ATP9B: variants seen among roughly 807,000 people sequenced by gnomAD.
ATP9B encodes the protein ATPase phospholipid transporting 9B.
Under a neutral mutation model 146.1 loss-of-function variants are expected in ATP9B, and 110 were observed. The ratio of observed to expected loss-of-function variants is 0.75; its 90% CI spans 0.65 to 0.88. The LOEUF (loss-of-function observed/expected upper bound fraction) is 0.88. Ranked by LOEUF, ATP9B falls within the 40% of genes least tolerant of loss-of-function variation. The pLI, the probability that ATP9B is intolerant of heterozygous loss-of-function variation, is 0.00. For missense variants in ATP9B, 1,499 were observed against 1,496.4 expected, an observed-to-expected ratio of 1.00 and a Z score of -0.03; for synonymous variants, 604 against 569.7, an observed-to-expected ratio of 1.06 and a Z score of -0.86.
chr18:79,137,531 G>A (rs1177513214), intron 5 of ATP9B, among the ~76,000 whole-genome samples: 1 of 152,138 alleles, frequency 6.6e-6, no homozygotes, highest in African/African-American at 2.4e-5. Flanking sequence ...CGTGCTCTGT[G>A]GGTCATGGGC....
At chr18:79,313,208 A>G (rs2146709167) in intron 15 of ATP9B, among the ~76,000 whole-genome samples, 1 of 152,342 alleles carries the variant, frequency 6.6e-6, no homozygotes, top group East Asian at 1.9e-4. Context: ...TTTATTTAGT[A>G]AAAGAGAATC....
chr18:79,098,284 A>G (rs1477331499), intron 2 of ATP9B, among the ~76,000 whole-genome samples: 4 of 151,288 alleles, frequency 2.6e-5, no homozygotes, highest in African/African-American at 9.7e-5. Flanking sequence ...AAACCCTAGA[A>G]GAAAACCTAG....
intron 1 of ATP9B, among the ~76,000 whole-genome samples, chr18:79,084,673 C>T (rs1028165750): frequency 3.9e-5 from 6 of 152,172 alleles, no homozygotes; most frequent in Non-Finnish European, 2.9e-5. Context: ...AGCTTTACAT[C>T]GCTTTGTGAG....
At chr18:79,228,431 A>G (rs893133131) in intron 11 of ATP9B, among the ~76,000 whole-genome samples, 2 of 152,226 alleles carry the variant, frequency 1.3e-5, no homozygotes, top group African/African-American at 4.8e-5. Flanking sequence ...AAACCACTGA[A>G]GGGTGCATTG....
At chr18:79,217,807 G>A (rs2095641742) in intron 11 of ATP9B, among the ~76,000 whole-genome samples, 1 of 152,122 alleles carries the variant, frequency 6.6e-6, no homozygotes, top group South Asian at 2.1e-4. Flanking sequence ...ACAAACTTTT[G>A]GGCTTCAAAG....
At chr18:79,173,792 A>G (rs2095117111) in intron 7 of ATP9B, 1 of 455,326 alleles carries the variant, frequency 2.2e-6, no homozygotes, top group Middle Eastern at 3.3e-4. Context: ...TTTCCCCCAC[A>G]TTGTTTTAGC....
chr18:79,173,551 A>G (rs1429946566), intron 7 of ATP9B: 3 of 378,218 alleles, frequency 7.9e-6, no homozygotes, highest in Non-Finnish European at 1.5e-5. Context: ...GTATGTCCAA[A>G]TGCTCTAGCG....
chr18:79,291,199 T>G (rs1317040339), intron 13 of ATP9B, among the ~76,000 whole-genome samples: 1 of 152,204 alleles, frequency 6.6e-6, no homozygotes, highest in Non-Finnish European at 1.5e-5. Context: ...AGAAACCTTT[T>G]GTCAAAAGAC....
chr18:79,167,564 C>T lies in ATP9B; in HGVS notation c.779-9249C>T, dbSNP rs114326158. On this transcript the variant is annotated intron_variant, in intron 7 of 29. Transcript: ENST00000426216. ...GTGCAGCCCTCAGAGTAGAGGGGAC[C>T]CGGAGTGGGTAGCTCCTTCCCACAG... Among the ~76,000 whole-genome samples the T allele has an allele frequency of 8.8e-3, 1,339 of 152,066 alleles. 25 individuals carry two copies. Among genetic ancestry groups the T allele is most frequent in the African/African-American group, 0.03 (1,261 of 41,464 alleles).
intron 9 of ATP9B, among the ~76,000 whole-genome samples, chr18:79,203,615 T>C (rs956454542): frequency 7.9e-5 from 12 of 151,660 alleles, no homozygotes; most frequent in African/African-American, 2.9e-4. Context: ...CCATAAAATA[T>C]GGGATTAGAA....
intron 26 of ATP9B, 57 bp from the exon 27 acceptor site, chr18:79,372,768 G>A: frequency 8.7e-7 from 1 of 1,152,958 alleles, no homozygotes; most frequent in Non-Finnish European, 1.3e-6. Flanking sequence ...CTCCTGGAAG[G>A]CGTGAGTCAA....
At chr18:79,277,774 A>C (rs1280589743) in intron 13 of ATP9B, among the ~76,000 whole-genome samples, 2 of 152,198 alleles carry the variant, frequency 1.3e-5, no homozygotes. Context: ...CTGGTACTAT[A>C]AGGAAAGCCA....
chr18:79,122,122 T>C (rs2094199838), intron 4 of ATP9B, among the ~76,000 whole-genome samples: 1 of 152,180 alleles, frequency 6.6e-6, no homozygotes, highest in Admixed American at 6.5e-5. Flanking sequence ...CAAATTTATG[T>C]TACAAAAAAT....
chr18:79,310,710 CT>C (rs1219721459), intron 15 of ATP9B, among the ~76,000 whole-genome samples: 3 of 152,290 alleles, frequency 2.0e-5, no homozygotes, highest in African/African-American at 4.8e-5. Flanking sequence ...GTGGGAACCA[CT>C]TTCCTGGGGA....
At chr18:79,369,000 G>A (rs997307807) in intron 26 of ATP9B, among the ~76,000 whole-genome samples, 4 of 151,920 alleles carry the variant, frequency 2.6e-5, no homozygotes, top group South Asian at 4.2e-4. Flanking sequence ...TCTCTGTTTG[G>A]AGGGTTTGTT....
intron 1 of ATP9B, among the ~76,000 whole-genome samples, chr18:79,071,442 C>T (rs1346091223): frequency 3.6e-5 from 3 of 84,274 alleles, no homozygotes; most frequent in Non-Finnish European, 7.4e-5. Context: ...GTTCTCCTGG[C>T]TGGAGTTAGT....
intron 5 of ATP9B, among the ~76,000 whole-genome samples, chr18:79,132,863 G>A (rs2094398044): frequency 6.6e-6 from 1 of 151,992 alleles, no homozygotes; most frequent in Non-Finnish European, 1.5e-5. Context: ...TTTTTCTTTT[G>A]AAAAGGAAAG....
chr18:79,108,963 G>A (rs1381925679), intron 2 of ATP9B, among the ~76,000 whole-genome samples: 1 of 152,192 alleles, frequency 6.6e-6, no homozygotes, highest in Non-Finnish European at 1.5e-5. Flanking sequence ...AAGCAGGAGA[G>A]CATTACGATT....
intron 8 of ATP9B, among the ~76,000 whole-genome samples, chr18:79,185,459 A>G (rs2095298880): frequency 6.6e-6 from 1 of 152,216 alleles, no homozygotes; most frequent in Non-Finnish European, 1.5e-5. Flanking sequence ...TGGCCAGTAC[A>G]CTTTGATACA....
Sources: gnomAD v4.1 joint callset for allele counts (sites outside exome capture counted in the v4.1 genomes callset) on GRCh38, gnomAD v4.1.1 for gene constraint, MANE v1.5 for transcripts, NCBI Gene and HGNC (gene_info 2026-07-23, HGNC 2026-07-21) for gene names.